The following RASSF3 variants were observed in gnomAD, a reference collection of about 807,000 sequenced individuals.
RASSF3 encodes the protein ras association domain-containing protein 3.
A neutral mutation model predicts 19.9 loss-of-function variants in RASSF3; 19 were observed. The ratio of observed to expected loss-of-function variants is 0.96; its 90% CI spans 0.67 to 1.40. The LOEUF (loss-of-function observed/expected upper bound fraction) is 1.40, where lower values mean the gene tolerates loss of function less well. RASSF3 is among the 40% of genes most tolerant of loss of function. The pLI, the probability that RASSF3 is intolerant of heterozygous loss-of-function variation, is 0.00. For missense variants in RASSF3, 306 were observed against 289.8 expected (o/e 1.06, Z -0.41); for synonymous variants, 110 against 104.2 (o/e 1.06, Z -0.34).
chr12:64,557,804 T>G (rs1381632050), intron 2 of RASSF3, among the ~76,000 whole-genome samples: 1 of 152,170 alleles, frequency 6.6e-6, no homozygotes, highest in Non-Finnish European at 1.5e-5. Flanking sequence ...TGCTATTGCA[T>G]CCAGCTGCTT....
chr12:64,532,499 T>A (rs1868732768), upstream of RASSF3, among the ~76,000 whole-genome samples: 1 of 152,062 alleles, frequency 6.6e-6, no homozygotes, highest in African/African-American at 2.4e-5. Flanking sequence ...TGGTGCTGAG[T>A]AACATTCTAA....
intron 2 of RASSF3, among the ~76,000 whole-genome samples, chr12:64,552,924 C>T (rs868630704): frequency 6.6e-6 from 1 of 152,072 alleles, no homozygotes. Context: ...AAAATAGCAA[C>T]TTGGGGCCGG....
chr12:64,669,380 G>T (rs1180639409), intron 1 of RASSF3, among the ~76,000 whole-genome samples: 2 of 152,058 alleles, frequency 1.3e-5, no homozygotes, highest in African/African-American at 2.4e-5. Flanking sequence ...AGATGTTCTG[G>T]ATGAAACAGT....
At chr12:64,508,572 T>C (rs1323290391) in intron 1 of RASSF3, among the ~76,000 whole-genome samples, 1 of 149,950 alleles carries the variant, frequency 6.7e-6, no homozygotes, top group African/African-American at 2.5e-5. Context: ...AAGGCAGGTA[T>C]ATGATTAAGA....
chr12:64,694,678 G>A (rs562842423), intron 4 of RASSF3, 85 bp from the exon 5 acceptor site: 73 of 1,459,750 alleles, frequency 5.0e-5, no homozygotes, highest in South Asian at 1.9e-4. Flanking sequence ...GAGGGCAGCC[G>A]CACCTCTGGG....
chr12:64,543,429 GC>G (rs1565836082), downstream of RASSF3, among the ~76,000 whole-genome samples: 30 of 5,498 alleles, frequency 5.5e-3, no homozygotes, highest in African/African-American at 0.024. Context: ...CCGGCTCCCC[GC>G]CCGCCCCCCC....
chr12:64,648,776 CG>C (rs1425108627), intron 1 of RASSF3, among the ~76,000 whole-genome samples: 2 of 148,544 alleles, frequency 1.3e-5, no homozygotes, highest in Non-Finnish European at 3.0e-5. Context: ...CCACCAAGCC[CG>C]GCCAAGCTTC....
chr12:64,609,573 A>T (rs1049258992), upstream of RASSF3: 1 of 152,182 alleles, frequency 6.6e-6, no homozygotes, highest in African/African-American at 2.4e-5. Flanking sequence ...GGTGTAAAAG[A>T]CTGTTACCCA....
intron 1 of RASSF3, among the ~76,000 whole-genome samples, chr12:64,631,956 T>C (rs546122468): frequency 6.6e-6 from 1 of 152,196 alleles, no homozygotes; most frequent in South Asian, 2.1e-4. Flanking sequence ...TTGAAAGAGA[T>C]GCCTCCCTTC....
At chr12:64,537,758 G>A (rs998023025) in intron 1 of RASSF3, among the ~76,000 whole-genome samples, 1 of 152,140 alleles carries the variant, frequency 6.6e-6, no homozygotes, top group Non-Finnish European at 1.5e-5. Context: ...GACAATACTA[G>A]CTGTCTTTGT....
intron 2 of RASSF3, among the ~76,000 whole-genome samples, chr12:64,581,831 T>C (rs1869706344): frequency 6.8e-6 from 1 of 146,124 alleles, no homozygotes; most frequent in Admixed American, 6.7e-5. Context: ...TTTTTAAATC[T>C]GAAAACCTTT....
upstream of RASSF3, chr12:64,609,221 C>G (rs1050512658): frequency 1.3e-5 from 2 of 152,092 alleles, no homozygotes; most frequent in African/African-American, 4.8e-5. Flanking sequence ...GGTATGTGAC[C>G]ACGTTCAGAT....
At chr12:64,557,856 T>C (rs1446971037) in intron 2 of RASSF3, among the ~76,000 whole-genome samples, 1 of 152,132 alleles carries the variant, frequency 6.6e-6, no homozygotes, top group African/African-American at 2.4e-5. Flanking sequence ...GATCCCATGG[T>C]CATGGGTCCA....
chr12:64,571,667 A>G (rs1869521791), intron 2 of RASSF3, among the ~76,000 whole-genome samples: 1 of 152,216 alleles, frequency 6.6e-6, no homozygotes, highest in African/African-American at 2.4e-5. Context: ...TAACAGCACC[A>G]TACAGTAATT....
At chr12:64,667,232 T>G (rs936812295) in intron 1 of RASSF3, among the ~76,000 whole-genome samples, 1 of 152,098 alleles carries the variant, frequency 6.6e-6, no homozygotes, top group African/African-American at 2.4e-5. Context: ...GGGGAACACA[T>G]TTATTTTGTG....
intron 2 of RASSF3, among the ~76,000 whole-genome samples, chr12:64,591,353 G>GTAATC (rs1869919175): frequency 6.6e-6 from 1 of 152,090 alleles, no homozygotes; most frequent in African/African-American, 2.4e-5. Context: ...GTGTGCACCA[G>GTAATC]TAATCCCAGC....
At chr12:64,650,397 C>CT (rs869302594) in intron 1 of RASSF3, among the ~76,000 whole-genome samples, 1 of 101,980 alleles carries the variant, frequency 9.8e-6, no homozygotes, top group Non-Finnish European at 2.1e-5. Context: ...GGAGGTGTTT[C>CT]TTTTTTTTTC....
Position 64,559,558 on chromosome 12 carries a change from C to T in RASSF3, c.294+17853C>T, listed in dbSNP as rs1010918684. 7.9e-5 allele frequency among the ~76,000 whole-genome samples: 12 copies of T among 152,040 alleles called. 1 individual carries two copies. Among genetic ancestry groups the T allele is most frequent in the African/African-American group, 2.9e-4 (12 of 41,396 alleles). On this transcript the variant is annotated intron_variant, in intron 2 of 5. Coordinates refer to the RASSF3 transcript ENST00000637125. ...TGCTGGGATTACAGGTGTGAGCCACCGCGCCTGGCCCCTTGTGGGTCCATT... is the reference window on the plus strand; with the variant it reads ...TGCTGGGATTACAGGTGTGAGCCACTGCGCCTGGCCCCTTGTGGGTCCATT...
chr12:64,695,139 C>T lies in RASSF3; in HGVS notation c.*227C>T. 1 of 464,964 alleles carries T rather than the reference C, an allele frequency of 2.2e-6. No homozygotes were observed. Among genetic ancestry groups the T allele is most frequent in the Non-Finnish European group, 3.9e-6 (1 of 259,340 alleles). The allele number at this position is 464,964 out of a possible 1,614,324, so 28.8% of individuals were successfully genotyped here. On this transcript the variant is annotated 3_prime_UTR_variant, in exon 5 of 5. Coordinates refer to ENST00000542104, the MANE Select transcript of RASSF3 (RefSeq NM_178169.4). ...TCAGCACCGCAGTGTTACCTCTTGG[C>T]AAGCTGTGAACCTGTCGCCTCATCA...
Sources: allele counts gnomAD v4.1 joint callset (sites outside exome capture counted in the v4.1 genomes callset), GRCh38; gene constraint gnomAD v4.1.1; transcripts MANE v1.5; gene names NCBI Gene and HGNC (gene_info 2026-07-23, HGNC 2026-07-21).